CAMK1: variants seen among roughly 807,000 people sequenced by gnomAD.
CAMK1 encodes the protein calcium/calmodulin-dependent protein kinase type 1.
A neutral mutation model predicts 49.1 loss-of-function variants in CAMK1; 39 were observed. That is an observed-to-expected ratio of 0.79 (90% CI 0.62 to 1.04). The LOEUF (loss-of-function observed/expected upper bound fraction) is 1.04. Ranked by LOEUF, CAMK1 falls within the 50% of genes least tolerant of loss-of-function variation. The probability of loss-of-function intolerance (pLI) is 0.00; values close to 1 mark genes in which losing one functional copy is unlikely to be tolerated. For missense variants in CAMK1, 457 were observed against 472.2 expected (o/e 0.97, Z 0.30); for synonymous variants, 192 against 185.2 (o/e 1.04, Z -0.30).
intron 1 of CAMK1, among the ~76,000 whole-genome samples, chr3:9,768,348 A>G (rs1483570127): frequency 1.3e-5 from 2 of 152,220 alleles, no homozygotes. Flanking sequence ...GGAGCTCCCC[A>G]GACCTCTCCC....
intron 2 of CAMK1, among the ~76,000 whole-genome samples, chr3:9,766,911 G>A (rs181503401): frequency 2.6e-4 from 40 of 152,116 alleles, no homozygotes; most frequent in Admixed American, 9.8e-4. Context: ...GTGGCCTATG[G>A]GACAATATCC....
Position 9,763,052 on chromosome 3 carries a change from C to G in CAMK1, c.291G>C (p.Leu97=), listed in dbSNP as rs766621313. 1 of 1,614,134 alleles carries G rather than the reference C, an allele frequency of 6.2e-7. No homozygotes were observed. The highest frequency in any genetic ancestry group is 1.3e-5 in the African/African-American group (1 of 75,024). The change falls in exon 5 of 12, where the codon CTG becomes CTC. Residue 97 remains leucine, a splice_region_variant and synonymous_variant. Transcript: ENST00000256460. ...GGTCAAAGAGCTCCCCACCCGACAC[C>G]CTGCAGCAGGGGATAGGGCAGTCTG... ...SGGHLYLIMQ[L]VSGGELFDRI...
At position 9,764,634 on chromosome 3, in the gene CAMK1, T is replaced by TTG. The variant is rs1559702330; in HGVS notation, c.215+1124_215+1125insCA. ...GCGTTTTTGTTTTTTTTTTGTTTTTTTTTTTTTTTTTGAGATGGAGTTTTG... is the reference window on the plus strand; with the variant it reads ...GCGTTTTTGTTTTTTTTTTGTTTTTTTGTTTTTTTTTTTGAGATGGAGTTTTG... On this transcript the variant is annotated intron_variant, in intron 3 of 11. Coordinates refer to ENST00000256460, the MANE Select transcript of CAMK1 (RefSeq NM_003656.5). 2.9e-3 allele frequency among the ~76,000 whole-genome samples: 425 copies of TTG among 147,702 alleles called. 8 individuals carry two copies. Among genetic ancestry groups the TTG allele is most frequent in the African/African-American group, 0.01 (409 of 40,284 alleles).
chr3:9,762,762 G>T, intron 5 of CAMK1, 152 bp downstream of exon 5: 1 of 677,432 alleles, frequency 1.5e-6, no homozygotes. Context: ...ACTAGAATGG[G>T]AGGAGGCAGT....
At chr3:9,768,655 C>A (rs1183281758) in intron 1 of CAMK1, among the ~76,000 whole-genome samples, 2 of 152,186 alleles carry the variant, frequency 1.3e-5, no homozygotes, top group East Asian at 3.9e-4. Flanking sequence ...CAATATGAAG[C>A]CAGAATGGGC....
At chr3:9,764,611 GTTTTTGTTTTTTTTTTGTTTTTT>G (rs920858248) in intron 3 of CAMK1, among the ~76,000 whole-genome samples, 2 of 125,076 alleles carry the variant, frequency 1.6e-5, no homozygotes, top group Non-Finnish European at 3.2e-5. Flanking sequence ...TGCGCCTGGC[GTTTTTGTTTTTTTTTTGTTTTTT>G]TTTTTTTTTT....
Position 9,760,760 on chromosome 3 carries a change from C to T in CAMK1, c.641G>A (p.Gly214Asp), listed in dbSNP as rs1310899787. ...ATTCTCGTCATAGAAGGGAGGGTAACCGCAGAGCCTGGGCAGGGAGAAACT... is the reference window on the plus strand; with the variant it reads ...ATTCTCGTCATAGAAGGGAGGGTAATCGCAGAGCCTGGGCAGGGAGAAACT... ...IGVIAYILLC[G>D]YPPFYDENDA... is the part of the protein sequence containing the mutation. Residue 214 changes from glycine (G) to aspartate (D), a missense_variant, in exon 8 of 12, where the codon GGT (glycine) becomes GAT (aspartate). Transcript: ENST00000256460. 6.2e-7 allele frequency: 1 copy of T among 1,614,024 alleles called. No homozygotes were observed. Among genetic ancestry groups the T allele is most frequent in the South Asian group, 1.1e-5 (1 of 91,080 alleles).
rs1025923264 is a variant in CAMK1, at chr3:9,760,892, A to G, written c.633-124T>C. On this transcript the variant is annotated intron_variant, in intron 7 of 11. Coordinates refer to ENST00000256460, the MANE Select transcript of CAMK1 (RefSeq NM_003656.5). The stretch of plus-strand genomic sequence containing the variant: ...AAGGAGTTCCCCCTTTATAAACTCT[A>G]CCAGCCCTGCCTGCTCACTCCTGTT... 4.4e-5 allele frequency: 62 copies of G among 1,400,504 alleles called. No homozygotes were observed. The Admixed American group carries it at 1.1e-3, about 25-fold the overall frequency. 86.8% of individuals were successfully genotyped at this position (1,400,504 alleles called of 1,614,324 possible).
intron 10 of CAMK1, chr3:9,758,910 G>A (rs530612144): frequency 1.8e-4 from 75 of 405,878 alleles, no homozygotes; most frequent in Non-Finnish European, 3.4e-4. Context: ...GATTACAGGC[G>A]TGAGCCACCA....
In CAMK1 at chr3:9,757,802, C is replaced by T. The variant is rs768531437; in HGVS notation, c.957G>A (p.Leu319=). ...GCCCCTCCTGGCTGGTGCCCAGCTG[C>T]AGTTTCCTCATGTGCCGCACCACAG... The part of the protein sequence containing the change: ...ATAVVRHMRK[L]QLGTSQEGQG... The change falls in exon 11 of 12, where the codon CTG becomes CTA. Residue 319 remains leucine (L), a synonymous_variant. Coordinates refer to ENST00000256460, the MANE Select transcript of CAMK1 (RefSeq NM_003656.5). This position sits in a 1 kb window ranked among gnomAD's most constrained non-coding sequence, Gnocchi z 4.5. The T allele has an allele frequency of 1.1e-5, 18 of 1,613,544 alleles. No homozygotes were observed.
In CAMK1 at chr3:9,766,849, A is replaced by C. The variant is rs184641798; in HGVS notation, c.83+818T>G. 246 of 166,684 alleles carry C rather than the reference A, an allele frequency of 1.5e-3. 2 individuals carry two copies. The highest frequency in any genetic ancestry group is 5.9e-3 in the African/African-American group (245 of 41,694). The allele number at this position is 166,684 out of a possible 1,614,324, so 10.3% of individuals were successfully genotyped here. On this transcript the variant is annotated intron_variant, in intron 2 of 11. Coordinates refer to ENST00000256460, the MANE Select transcript of CAMK1 (RefSeq NM_003656.5). ...CCAATTTACCCTCCAAGCTGTGGCC[A>C]GAGTGACTATCCTGAATTGCACACC... is the stretch of plus-strand genomic sequence containing the variant.
chr3:9,761,613 G>C lies in CAMK1; in HGVS notation c.556+18C>G. On this transcript the variant is annotated intron_variant, in intron 6 of 11. Coordinates refer to ENST00000256460, the MANE Select transcript of CAMK1 (RefSeq NM_003656.5). ...GGTTCCCCCCACCATCACAGCCCCA[G>C]CCCAGGGCCCTCCGCACCCACGTAT... is the stretch of plus-strand genomic sequence containing the variant. The C allele has an allele frequency of 6.2e-7, 1 of 1,614,068 alleles. No homozygotes were observed. The highest frequency in any genetic ancestry group is 2.2e-5 in the East Asian group (1 of 44,874).
In CAMK1 at chr3:9,763,995, T is replaced by A. The variant is rs180807718; in HGVS notation, c.216-782A>T. On this transcript the variant is annotated intron_variant, in intron 3 of 11. Transcript: ENST00000256460. ...GAGCAAAACTCCATCTCAAAAAAAA[T>A]ATATATATATAGTTTTCTGTGTTTA... Among the ~76,000 whole-genome samples the A allele has an allele frequency of 6.5e-3, 987 of 151,994 alleles. 8 individuals are homozygous for A. Among genetic ancestry groups the A allele is most frequent in the African/African-American group, 0.019 (804 of 41,492 alleles).
intron 5 of CAMK1, among the ~76,000 whole-genome samples, 175 bp downstream of exon 5, chr3:9,762,738 CT>C (rs1421061832): frequency 2.6e-5 from 4 of 151,970 alleles, no homozygotes; most frequent in African/African-American, 9.7e-5. Flanking sequence ...ACTCGTGTTC[CT>C]TTGAGTATCT....
At position 9,759,726 on chromosome 3, in the gene CAMK1, A is replaced by T; in HGVS notation, c.770T>A (p.Met257Lys). 6.2e-7 allele frequency: 1 copy of T among 1,614,140 alleles called. No homozygotes were observed. Among genetic ancestry groups the T allele is most frequent in the Non-Finnish European group, 8.5e-7 (1 of 1,180,026 alleles). ...GAATCTTTTCTCTGGGTCCTTCTCC[A>T]TCAAGTGCCGGATGAAATCTTTGGC... ...DSAKDFIRHL[M>K]EKDPEKRFTC... Residue 257 changes from methionine (M) to lysine (K), a missense_variant, in exon 9 of 12, where the codon ATG (methionine) becomes AAG (lysine). Transcript: ENST00000256460.
At chr3:9,759,015 T>C in intron 10 of CAMK1, 1 of 669,648 alleles carries the variant, frequency 1.5e-6, no homozygotes, top group Non-Finnish European at 2.7e-6. Context: ...GGTGCTCCTC[T>C]GTGGCATATG....
At chr3:9,759,616 A>T (rs566055751) in intron 9 of CAMK1, 41 bp from the exon 10 acceptor site, 13 of 1,614,022 alleles carry the variant, frequency 8.1e-6, no homozygotes, top group Non-Finnish European at 1.1e-5. Flanking sequence ...TGAGGGCAGA[A>T]GCAGACCTGA....
chr3:9,761,849 T>C, intron 5 of CAMK1, 92 bp from the exon 6 acceptor site: 1 of 1,530,788 alleles, frequency 6.5e-7, no homozygotes, highest in Admixed American at 2.0e-5. Flanking sequence ...TGAGAAATAA[T>C]GGATCCCCAA....
chr3:9,765,964 T>C, intron 2 of CAMK1, 74 bp from the exon 3 acceptor site: 2 of 1,614,188 alleles, frequency 1.2e-6, no homozygotes, highest in Admixed American at 1.7e-5. Context: ...CCATTCCCTA[T>C]GGGTTCTGTG....
Sources: gnomAD v4.1 joint callset for allele counts (sites outside exome capture counted in the v4.1 genomes callset) on GRCh38, gnomAD v4.1.1 for gene constraint, Gnocchi (gnomAD v3.1) non-coding constraint, MANE v1.5 for transcripts, NCBI Gene and HGNC (gene_info 2026-07-23, HGNC 2026-07-21) for gene names.